Variants in TRIO observed in about 807,000 individuals in gnomAD.
TRIO encodes trio Rho guanine nucleotide exchange factor.
Under a neutral mutation model 351.9 loss-of-function variants are expected in TRIO, and 58 were observed. The ratio of observed to expected loss-of-function variants is 0.16; its 90% CI spans 0.13 to 0.21. The LOEUF (loss-of-function observed/expected upper bound fraction) is 0.21, where lower values mean the gene tolerates loss of function less well. TRIO is among the 10% of genes least tolerant of loss of function. TRIO has a pLI of 1.00. For missense variants in TRIO, 3,201 were observed against 4,027.8 expected, an observed-to-expected ratio of 0.79 and a Z score of 5.56; for synonymous variants, 1,758 against 1,595.7, an observed-to-expected ratio of 1.10 and a Z score of -2.42.
At chr5:14,501,067 A>G (rs1326802483) in intron 53 of TRIO, among the ~76,000 whole-genome samples, 1 of 151,268 alleles carries the variant, frequency 6.6e-6, no homozygotes, top group African/African-American at 2.4e-5. Context: ...AAAAATGTTT[A>G]TTTAAAAAAA....
intron 34 of TRIO, among the ~76,000 whole-genome samples, chr5:14,421,401 C>A (rs560611687): frequency 8.6e-5 from 13 of 151,514 alleles, no homozygotes; most frequent in Admixed American, 2.0e-4. Flanking sequence ...GTCAAAAGTT[C>A]GGACCAGCCT....
intron 11 of TRIO, among the ~76,000 whole-genome samples, chr5:14,355,057 T>A (rs972488816): frequency 3.3e-5 from 5 of 152,192 alleles, no homozygotes; most frequent in East Asian, 1.9e-4. Context: ...GAGGCTGCAG[T>A]GGCTCCGTGC....
In TRIO at chr5:14,304,699, GA is replaced by G. The variant is rs1245755657; in HGVS notation, c.1500+108del. 2.3e-6 allele frequency: 3 copies of G among 1,322,856 alleles called. No homozygotes were observed. In the Admixed American group the frequency reaches 6.9e-5, roughly 30 times the overall value. The allele number at this position is 1,322,856 out of a possible 1,614,324, so 81.9% of individuals were successfully genotyped here. A position where few individuals can be genotyped will look rare whatever the true frequency, so the allele number is the denominator to read the frequency against. On this transcript the variant is annotated intron_variant, in intron 8 of 56. Transcript: ENST00000344204. Reference sequence around the variant, plus strand: ...TTGGGTAGCCCAGAAAAAGTTTATAGATTTCGAGTTAGACTGCAGTTTAATT... The same window carrying G: ...TTGGGTAGCCCAGAAAAAGTTTATAGTTTCGAGTTAGACTGCAGTTTAATT...
chr5:14,451,192 G>C (rs1752825907), intron 34 of TRIO, among the ~76,000 whole-genome samples: 1 of 152,144 alleles, frequency 6.6e-6, no homozygotes, highest in African/African-American at 2.4e-5. Flanking sequence ...TTGCCCAGGG[G>C]ATGATTATAA....
chr5:14,186,085 G>C (rs1208923242), intron 1 of TRIO, among the ~76,000 whole-genome samples: 1 of 152,202 alleles, frequency 6.6e-6, no homozygotes, highest in Non-Finnish European at 1.5e-5. Flanking sequence ...GTATTTAGAT[G>C]TTGACTAGAT....
chr5:14,166,211 T>TG (rs1261719520), intron 1 of TRIO, among the ~76,000 whole-genome samples: 1 of 152,200 alleles, frequency 6.6e-6, no homozygotes, highest in African/African-American at 2.4e-5. Flanking sequence ...AAGCCGTGCC[T>TG]GGGGGGCACC....
intron 11 of TRIO, among the ~76,000 whole-genome samples, chr5:14,352,196 A>G (rs1237535283): frequency 2.0e-5 from 3 of 152,012 alleles, no homozygotes; most frequent in Non-Finnish European, 4.4e-5. Context: ...GTCCTCTTCC[A>G]CCCAGCCCTC....
chr5:14,375,989 G>A (rs548747765), intron 19 of TRIO, among the ~76,000 whole-genome samples: 1 of 152,168 alleles, frequency 6.6e-6, no homozygotes, highest in Non-Finnish European at 1.5e-5. Context: ...ATTTTTTATT[G>A]TCATCAAAAA....
chr5:14,339,311 G>T (rs769344366), intron 11 of TRIO, among the ~76,000 whole-genome samples: 1 of 152,314 alleles, frequency 6.6e-6, no homozygotes, highest in South Asian at 2.1e-4. Context: ...TGTTTTTAAG[G>T]AACAATCTTC....
At chr5:14,387,399 T>G in intron 21 of TRIO, 39 bp from the exon 22 acceptor site, 1 of 1,556,588 alleles carries the variant, frequency 6.4e-7, no homozygotes, top group South Asian at 1.2e-5. Flanking sequence ...GGCAGTCGGA[T>G]TCATTTGCCT....
chr5:14,349,768 G>T (rs1462519954), intron 11 of TRIO, among the ~76,000 whole-genome samples: 1 of 152,176 alleles, frequency 6.6e-6, no homozygotes, highest in Non-Finnish European at 1.5e-5. Flanking sequence ...GTGCAGGCTT[G>T]TTATATAGAT....
chr5:14,507,328 C>G, intron 56 of TRIO, 68 bp downstream of exon 56: 1 of 1,586,256 alleles, frequency 6.3e-7, no homozygotes, highest in Non-Finnish European at 8.5e-7. Flanking sequence ...GGACACAGAG[C>G]CCCCTCTGAA....
intron 37 of TRIO, 115 bp from the exon 38 acceptor site, chr5:14,471,203 T>A (rs1170845226): frequency 7.6e-7 from 1 of 1,319,072 alleles, no homozygotes; most frequent in Non-Finnish European, 1.0e-6. Context: ...AAAGATTTTA[T>A]AATTTCACAA....
intron 13 of TRIO, 52 bp from the exon 14 acceptor site, chr5:14,363,680 A>G (rs757009298): frequency 1.4e-5 from 21 of 1,542,218 alleles, no homozygotes; most frequent in East Asian, 2.3e-5. Flanking sequence ...ACAGAGTGAG[A>G]GGTGGCTGCA....
At position 14,294,722 on chromosome 5, in the gene TRIO, G is replaced by A. The variant is rs532131107; in HGVS notation, c.1176+1588G>A. 5.3e-5 allele frequency among the ~76,000 whole-genome samples: 8 copies of A among 152,180 alleles called. No homozygotes were observed. The East Asian group carries it at 1.2e-3, about 22-fold the overall frequency. ...CTTGGGAAGGCTGTTTAACCTCTTC[G>A]AGCCTCAGTTTCCTAATCTGTAAAC... On this transcript the variant is annotated intron_variant, in intron 6 of 56. Coordinates refer to ENST00000344204, the MANE Select transcript of TRIO (RefSeq NM_007118.4).
intron 46 of TRIO, among the ~76,000 whole-genome samples, chr5:14,483,042 C>T (rs1755651782): frequency 6.6e-6 from 1 of 152,216 alleles, no homozygotes; most frequent in Non-Finnish European, 1.5e-5. Context: ...TATGCACCCC[C>T]TTCTCTAGGA....
At chr5:14,212,939 T>C (rs191813208) in intron 1 of TRIO, among the ~76,000 whole-genome samples, 437 of 152,356 alleles carry the variant, frequency 2.9e-3, no homozygotes, top group Non-Finnish European at 4.4e-3. Context: ...ATGAAAACAC[T>C]GTACGGTTAG....
At chr5:14,438,592 C>T (rs1167920758) in intron 34 of TRIO, among the ~76,000 whole-genome samples, 2 of 152,210 alleles carry the variant, frequency 1.3e-5, no homozygotes, top group African/African-American at 4.8e-5. Flanking sequence ...GGTCACTAAC[C>T]CCTGTGTCGT....
intron 1 of TRIO, among the ~76,000 whole-genome samples, chr5:14,212,937 A>C (rs1791994059): frequency 6.6e-6 from 1 of 152,252 alleles, no homozygotes; most frequent in Admixed American, 6.5e-5. Context: ...TGATGAAAAC[A>C]CTGTACGGTT....
Sources: allele counts gnomAD v4.1 joint callset (sites outside exome capture counted in the v4.1 genomes callset), GRCh38; gene constraint gnomAD v4.1.1; transcripts MANE v1.5; gene names NCBI Gene and HGNC (gene_info 2026-07-23, HGNC 2026-07-21).